CHCHD6: variants seen among roughly 807,000 people sequenced by gnomAD.
CHCHD6 encodes coiled-coil-helix-coiled-coil-helix domain containing 6, also known as MICOS complex subunit MIC25.
Under a neutral mutation model 32.3 loss-of-function variants are expected in CHCHD6, and 28 were observed. The ratio of observed to expected loss-of-function variants is 0.87; its 90% CI spans 0.64 to 1.19. CHCHD6 has a LOEUF of 1.19. Among genes scored for constraint, CHCHD6 ranks in the 50% most tolerant of loss-of-function variants. The probability of loss-of-function intolerance (pLI) is 0.00; values close to 1 mark genes in which losing one functional copy is unlikely to be tolerated. For missense variants in CHCHD6, 333 were observed against 307.0 expected, an observed-to-expected ratio of 1.08 and a Z score of -0.63; for synonymous variants, 122 against 117.5, an observed-to-expected ratio of 1.04 and a Z score of -0.25.
intron 6 of CHCHD6, among the ~76,000 whole-genome samples, chr3:126,946,851 C>G (rs1404790875): frequency 5.3e-5 from 8 of 152,206 alleles, no homozygotes; most frequent in Admixed American, 4.6e-4. Context: ...TATTCACCCC[C>G]CTGCTGATGT....
intron 3 of CHCHD6, among the ~76,000 whole-genome samples, chr3:126,731,138 A>G (rs1250604475): frequency 1.3e-5 from 2 of 151,286 alleles, no homozygotes; most frequent in African/African-American, 4.9e-5. Context: ...CATTTAAAAA[A>G]GCTAGGACTA....
chr3:126,708,551 A>G (rs1934607964), intron 1 of CHCHD6, among the ~76,000 whole-genome samples: 1 of 150,498 alleles, frequency 6.6e-6, no homozygotes, highest in Non-Finnish European at 1.5e-5. Context: ...AGCCAGGTGC[A>G]GTGGTATGTA....
chr3:126,826,870 T>G (rs928685268), intron 4 of CHCHD6, among the ~76,000 whole-genome samples: 2 of 152,168 alleles, frequency 1.3e-5, no homozygotes, highest in African/African-American at 4.8e-5. Context: ...AGCCAGTGAC[T>G]ACGGTGGTAG....
At chr3:126,953,144 A>G (rs1431646894) in intron 6 of CHCHD6, 12 of 985,346 alleles carry the variant, frequency 1.2e-5, no homozygotes, top group Non-Finnish European at 1.2e-5. Context: ...TGATGCACCG[A>G]CCACACAGTG....
chr3:126,705,205 TC>T lies in CHCHD6; in HGVS notation c.87+809del, dbSNP rs774889446. Among the ~76,000 whole-genome samples, 5 of 152,188 alleles carry T rather than the reference TC, an allele frequency of 3.3e-5. No homozygotes were observed. In the East Asian group the frequency reaches 9.6e-4, roughly 29 times the overall value. On this transcript the variant is annotated intron_variant, in intron 1 of 7. Transcript: ENST00000290913. ...CCTGACCACCCAATCTGAAGTAACC[TC>T]CCACCCCGCGTCCAACATTTATTAT... is the stretch of plus-strand genomic sequence containing the variant.
chr3:126,829,197 A>G (rs1351150060), intron 4 of CHCHD6, among the ~76,000 whole-genome samples: 1 of 152,118 alleles, frequency 6.6e-6, no homozygotes, highest in Non-Finnish European at 1.5e-5. Flanking sequence ...TCAGCCAGAG[A>G]TTAGGGCAGA....
rs2077939365 is a variant in CHCHD6 at position 126,902,254 on chromosome 3, G to A, written c.496-12426G>A. ...GGGCTCAGGCAAAACGTGTAACAGT[G>A]GCTTAGGTATTGCCAGTGCACGGCC... On this transcript the variant is annotated intron_variant, in intron 5 of 7. Coordinates refer to ENST00000290913, the MANE Select transcript of CHCHD6 (RefSeq NM_032343.3). Among the ~76,000 whole-genome samples the A allele has an allele frequency of 2.6e-5, 4 of 152,200 alleles. No individual in the cohort carries two copies. The South Asian group carries it at 8.3e-4, about 31-fold the overall frequency.
chr3:126,781,646 G>C (rs1168613563), intron 4 of CHCHD6, among the ~76,000 whole-genome samples: 1 of 152,236 alleles, frequency 6.6e-6, no homozygotes, highest in African/African-American at 2.4e-5. Flanking sequence ...ATCTGGAGAA[G>C]ATGCTGCTGG....
chr3:126,736,984 A>G (rs993909574), intron 4 of CHCHD6, among the ~76,000 whole-genome samples: 3 of 152,198 alleles, frequency 2.0e-5, no homozygotes, highest in Non-Finnish European at 4.4e-5. Flanking sequence ...TTCCTGACAC[A>G]TATTATTAGG....
chr3:126,849,370 C>T (rs916430048), intron 4 of CHCHD6, among the ~76,000 whole-genome samples: 3 of 152,192 alleles, frequency 2.0e-5, no homozygotes, highest in Non-Finnish European at 4.4e-5. Flanking sequence ...ACACTTTAAT[C>T]TTGTTTTTGA....
chr3:126,912,412 A>C (rs143951668), intron 5 of CHCHD6, among the ~76,000 whole-genome samples: 1 of 152,216 alleles, frequency 6.6e-6, no homozygotes, highest in African/African-American at 2.4e-5. Context: ...TGAGGGCTCT[A>C]GAGAGAACAC....
In CHCHD6 at chr3:126,771,091, C is replaced by G. The variant is rs538381105; in HGVS notation, c.411+37869C>G. ...GTGTCCAGGAATTTATCCACTTCTT[C>G]TAGATTTTCTAGTTTCTTTGCATAG... On this transcript the variant is annotated intron_variant, in intron 4 of 7. Transcript: ENST00000290913. Among the ~76,000 whole-genome samples the G allele has an allele frequency of 4.6e-4, 70 of 152,094 alleles. 1 individual carries two copies. In the South Asian group the frequency reaches 0.013, roughly 29 times the overall value.
intron 6 of CHCHD6, among the ~76,000 whole-genome samples, chr3:126,918,057 A>G (rs2078196157): frequency 6.6e-6 from 1 of 152,242 alleles, no homozygotes; most frequent in Non-Finnish European, 1.5e-5. Context: ...AGCTTGGTAT[A>G]GAGTAGAACA....
intron 6 of CHCHD6, among the ~76,000 whole-genome samples, chr3:126,946,558 G>A (rs918683457): frequency 1.3e-5 from 2 of 152,170 alleles, no homozygotes; most frequent in African/African-American, 2.4e-5. Flanking sequence ...TGAGGGATGG[G>A]GCAGCTGGAG....
chr3:126,721,284 C>G (rs548702109), intron 1 of CHCHD6, among the ~76,000 whole-genome samples: 1 of 152,198 alleles, frequency 6.6e-6, no homozygotes, highest in Admixed American at 6.5e-5. Flanking sequence ...CCTTCCACCC[C>G]ACGCCTTCCA....
chr3:126,734,903 A>G (rs1455344283), intron 4 of CHCHD6, among the ~76,000 whole-genome samples: 1 of 152,182 alleles, frequency 6.6e-6, no homozygotes, highest in Non-Finnish European at 1.5e-5. Flanking sequence ...CGATCCTGAA[A>G]CAGTCAATGG....
At chr3:126,888,064 G>A (rs1361103594) in intron 5 of CHCHD6, among the ~76,000 whole-genome samples, 1 of 152,200 alleles carries the variant, frequency 6.6e-6, no homozygotes, top group Non-Finnish European at 1.5e-5. Flanking sequence ...CTCAGCCAGA[G>A]TCCTGCCTGC....
At chr3:126,901,882 T>C (rs1298443302) in intron 5 of CHCHD6, among the ~76,000 whole-genome samples, 2 of 152,246 alleles carry the variant, frequency 1.3e-5, no homozygotes, top group Non-Finnish European at 2.9e-5. Context: ...TTGCACTGCC[T>C]GGCATTGTAC....
intron 5 of CHCHD6, among the ~76,000 whole-genome samples, chr3:126,913,410 T>C (rs556175070): frequency 1.3e-5 from 2 of 151,848 alleles, no homozygotes; most frequent in South Asian, 4.2e-4. Flanking sequence ...TTTTTTTGTA[T>C]TTTTAGTAGA....
Sources: allele counts gnomAD v4.1 joint callset (sites outside exome capture counted in the v4.1 genomes callset), GRCh38; gene constraint gnomAD v4.1.1; transcripts MANE v1.5; gene names NCBI Gene and HGNC (gene_info 2026-07-23, HGNC 2026-07-21).